SLC9A9: variants seen among roughly 807,000 people sequenced by gnomAD.
The protein encoded by SLC9A9 is solute carrier family 9 member A9.
Under a neutral mutation model 77.8 loss-of-function variants are expected in SLC9A9, and 62 were observed. That is an observed-to-expected ratio of 0.80 (90% CI 0.65 to 0.98). The LOEUF (loss-of-function observed/expected upper bound fraction) is 0.98, where lower values mean the gene tolerates loss of function less well. Ranked by LOEUF, SLC9A9 falls within the 50% of genes least tolerant of loss-of-function variation. The pLI is 0.00. For missense variants in SLC9A9, 775 were observed against 774.9 expected (o/e 1.00, Z 0.00); for synonymous variants, 320 against 283.5 (o/e 1.13, Z -1.29).
At chr3:143,591,349 C>G (rs1559983228) in intron 6 of SLC9A9, among the ~76,000 whole-genome samples, 1 of 152,218 alleles carries the variant, frequency 6.6e-6, no homozygotes, top group Non-Finnish European at 1.5e-5. Flanking sequence ...AAGGTAGTTG[C>G]CTCATTCCCA....
intron 4 of SLC9A9, among the ~76,000 whole-genome samples, chr3:143,714,900 T>C (rs1057098918): frequency 1.4e-4 from 22 of 152,122 alleles, no homozygotes; most frequent in African/African-American, 5.1e-4. Flanking sequence ...AGGGACCCGG[T>C]GGGAGGTAAT....
At chr3:143,842,020 G>T (rs1348845461) in intron 1 of SLC9A9, among the ~76,000 whole-genome samples, 1 of 152,112 alleles carries the variant, frequency 6.6e-6, no homozygotes, top group African/African-American at 2.4e-5. Context: ...CTCCCAAAGT[G>T]CTGGGATTAC....
At chr3:143,276,474 GGATTGAAA>G (rs1938051465) in intron 14 of SLC9A9, among the ~76,000 whole-genome samples, 2 of 152,074 alleles carry the variant, frequency 1.3e-5, no homozygotes, top group Non-Finnish European at 2.9e-5. Context: ...GGATTTGGAG[GGATTGAAA>G]GATTATGCTT....
intron 9 of SLC9A9, among the ~76,000 whole-genome samples, chr3:143,498,014 C>T (rs1012539522): frequency 4.6e-5 from 7 of 151,940 alleles, no homozygotes; most frequent in African/African-American, 1.7e-4. Flanking sequence ...CTACATTTTA[C>T]ATGGAGGCCC....
chr3:143,609,965 T>A (rs1489626974), intron 6 of SLC9A9, among the ~76,000 whole-genome samples: 1 of 152,174 alleles, frequency 6.6e-6, no homozygotes, highest in Non-Finnish European at 1.5e-5. Flanking sequence ...GCTATTTGAT[T>A]ATATTCAAAA....
intron 12 of SLC9A9, among the ~76,000 whole-genome samples, chr3:143,404,084 C>G (rs1306187487): frequency 6.6e-6 from 1 of 151,290 alleles, no homozygotes; most frequent in Non-Finnish European, 1.5e-5. Context: ...TTTTCTAGCT[C>G]AAATATATAG....
chr3:143,292,648 C>T (rs1202299755), intron 14 of SLC9A9, among the ~76,000 whole-genome samples: 3 of 152,112 alleles, frequency 2.0e-5, no homozygotes, highest in East Asian at 3.9e-4. Flanking sequence ...TAGGAAGGTC[C>T]CTCATAATGA....
chr3:143,776,098 A>G (rs2007680737), intron 4 of SLC9A9, among the ~76,000 whole-genome samples: 1 of 152,204 alleles, frequency 6.6e-6, no homozygotes, highest in Admixed American at 6.5e-5. Flanking sequence ...TATTACCCTC[A>G]AAATTTAAAA....
intron 5 of SLC9A9, chr3:143,655,455 A>G: frequency 1.0e-6 from 1 of 984,908 alleles, no homozygotes; most frequent in Non-Finnish European, 1.2e-6. Context: ...TAAACCTTTG[A>G]TTTTATCAGA....
intron 11 of SLC9A9, among the ~76,000 whole-genome samples, chr3:143,470,304 C>T (rs2035356416): frequency 6.6e-6 from 1 of 151,882 alleles, no homozygotes; most frequent in East Asian, 1.9e-4. Context: ...CATAGTAAAA[C>T]CCTGCCTCTA....
At chr3:143,787,318 A>G (rs1257989760) in intron 4 of SLC9A9, among the ~76,000 whole-genome samples, 1 of 152,200 alleles carries the variant, frequency 6.6e-6, no homozygotes, top group Non-Finnish European at 1.5e-5. Flanking sequence ...ATACCTAGAA[A>G]CATACCCCAA....
intron 14 of SLC9A9, among the ~76,000 whole-genome samples, chr3:143,305,793 T>A (rs1336636064): frequency 1.3e-5 from 2 of 152,188 alleles, no homozygotes; most frequent in African/African-American, 4.8e-5. Context: ...AAGGGGTGTG[T>A]CTTTGGCCAG....
At chr3:143,755,011 A>T (rs1480676747) in intron 4 of SLC9A9, among the ~76,000 whole-genome samples, 1 of 152,214 alleles carries the variant, frequency 6.6e-6, no homozygotes, top group Non-Finnish European at 1.5e-5. Context: ...AATGGTAATT[A>T]TCAGCCTGTA....
At chr3:143,344,097 G>A (rs6790128) in intron 14 of SLC9A9, among the ~76,000 whole-genome samples, 9,287 of 152,212 alleles carry the variant, frequency 0.061, 279 homozygotes, top group Middle Eastern at 0.088. Flanking sequence ...ATTTATGCCA[G>A]TTTTCTCTGA....
intron 13 of SLC9A9, among the ~76,000 whole-genome samples, chr3:143,373,895 C>A (rs7634525): frequency 0.94 from 143,703 of 152,186 alleles, 67,913 homozygotes; most frequent in East Asian, 1. Context: ...GGAGAACAAA[C>A]ATTTTTCAAA....
chr3:143,427,516 G>A (rs193175539), intron 12 of SLC9A9, among the ~76,000 whole-genome samples: 25 of 152,278 alleles, frequency 1.6e-4, no homozygotes, highest in African/African-American at 4.1e-4. Context: ...TAGGACTTGA[G>A]TCAACTCACA....
chr3:143,405,385 G>A (rs1027821687), intron 12 of SLC9A9, among the ~76,000 whole-genome samples: 9 of 152,146 alleles, frequency 5.9e-5, no homozygotes, highest in African/African-American at 1.9e-4. Flanking sequence ...GCAAGCAGTC[G>A]GGGAGAGGAT....
At chr3:143,293,400 A>G (rs550215987) in intron 14 of SLC9A9, among the ~76,000 whole-genome samples, 2 of 152,342 alleles carry the variant, frequency 1.3e-5, no homozygotes, top group East Asian at 1.9e-4. Flanking sequence ...TAGCTTTGCA[A>G]TCATACCTTT....
intron 9 of SLC9A9, chr3:143,503,331 G>T: frequency 3.3e-6 from 1 of 301,444 alleles, no homozygotes; most frequent in South Asian, 3.0e-5. Context: ...CCAAATTCAT[G>T]GTCATATCAG....
Sources: allele counts gnomAD v4.1 joint callset (sites outside exome capture counted in the v4.1 genomes callset), GRCh38; gene constraint gnomAD v4.1.1; transcripts MANE v1.5; gene names NCBI Gene and HGNC (gene_info 2026-07-23, HGNC 2026-07-21).